The following PTPN3 variants were observed in gnomAD, a reference collection of about 807,000 sequenced individuals.
PTPN3 encodes tyrosine-protein phosphatase non-receptor type 3.
PTPN3 carries 96 observed loss-of-function variants against 132.7 expected under a neutral mutation model. That is an observed-to-expected ratio of 0.72 (90% CI 0.61 to 0.86). The LOEUF is 0.86. PTPN3 is among the 40% of genes least tolerant of loss of function. PTPN3 has a pLI of 0.00. For missense variants in PTPN3, 1,125 were observed against 1,159.6 expected, an observed-to-expected ratio of 0.97 and a Z score of 0.43; for synonymous variants, 398 against 429.0, an observed-to-expected ratio of 0.93 and a Z score of 0.89.
At chr9:109,397,759 A>T (rs1172202044) in intron 19 of PTPN3, 1 of 152,208 alleles carries the variant, frequency 6.6e-6, no homozygotes, top group Admixed American at 6.5e-5. Context: ...GTATTCTTGC[A>T]GGGGCCCTTT....
the PTPN3 span, among the ~76,000 whole-genome samples, chr9:109,537,628 T>C: frequency 6.6e-6 from 1 of 152,232 alleles, no homozygotes; most frequent in Non-Finnish European, 1.5e-5. Context: ...TCTGAAAGAT[T>C]GGGGCTTAGC....
the PTPN3 span, among the ~76,000 whole-genome samples, chr9:109,510,517 C>G: frequency 7.0e-6 from 1 of 142,908 alleles, no homozygotes; most frequent in Non-Finnish European, 1.5e-5. Flanking sequence ...GAGATTGCGC[C>G]ATTGCACTCC....
chr9:109,408,274 G>A, intron 17 of PTPN3, 47 bp downstream of exon 17: 2 of 1,428,030 alleles, frequency 1.4e-6, no homozygotes, highest in Non-Finnish European at 1.9e-6. Context: ...TTAGAATTAG[G>A]GGGAAACAAA....
At chr9:109,423,549 C>T (rs372219794) in intron 12 of PTPN3, among the ~76,000 whole-genome samples, 5 of 152,094 alleles carry the variant, frequency 3.3e-5, no homozygotes, top group East Asian at 3.9e-4. Context: ...GAGGTTGCAG[C>T]GAGCCAAGAT....
At chr9:109,458,287 C>T (rs1259656015) in intron 2 of PTPN3, among the ~76,000 whole-genome samples, 1 of 152,196 alleles carries the variant, frequency 6.6e-6, no homozygotes, top group African/African-American at 2.4e-5. Flanking sequence ...CACCCCTCCC[C>T]TCCAGGCACA....
At chr9:109,388,957 C>T (rs772610273) in intron 22 of PTPN3, among the ~76,000 whole-genome samples, 2 of 152,196 alleles carry the variant, frequency 1.3e-5, no homozygotes, top group Admixed American at 6.5e-5. Flanking sequence ...CCTGAATGGG[C>T]AAGGCCACGT....
At chr9:109,485,751 G>A (rs1847178630) in intron 1 of PTPN3, among the ~76,000 whole-genome samples, 1 of 152,056 alleles carries the variant, frequency 6.6e-6, no homozygotes, top group African/African-American at 2.4e-5. Context: ...GTACGGGAGA[G>A]CCTCTGTCCT....
At chr9:109,386,570 A>T (rs1839599267) in intron 22 of PTPN3, among the ~76,000 whole-genome samples, 1 of 152,064 alleles carries the variant, frequency 6.6e-6, no homozygotes, top group Non-Finnish European at 1.5e-5. Flanking sequence ...GAGAGAGGGG[A>T]TGGAGATCTC....
chr9:109,527,609 A>G, the PTPN3 span, among the ~76,000 whole-genome samples: 7 of 152,250 alleles, frequency 4.6e-5, no homozygotes, highest in Non-Finnish European at 7.3e-5. Context: ...CAGAATAGCT[A>G]GAAGAATTGT....
the PTPN3 span, among the ~76,000 whole-genome samples, chr9:109,529,718 C>T: frequency 3.9e-5 from 6 of 152,254 alleles, no homozygotes; most frequent in East Asian, 5.8e-4. Flanking sequence ...TAGTGTCAAG[C>T]GCATTCACAT....
chr9:109,532,856 C>CG, the PTPN3 span: 23 of 1,043,258 alleles, frequency 2.2e-5, no homozygotes, highest in Non-Finnish European at 2.9e-5. Flanking sequence ...TGCTTAGCCT[C>CG]GGGAGCGGAC....
At chr9:109,463,592 T>C (rs2132049107) in intron 1 of PTPN3, 141 bp from the exon 2 acceptor site, 1 of 684,226 alleles carries the variant, frequency 1.5e-6, no homozygotes, top group East Asian at 3.2e-5. Context: ...AGATCATGTT[T>C]CCAATTGAGT....
intron 1 of PTPN3, among the ~76,000 whole-genome samples, chr9:109,474,635 C>T (rs574805834): frequency 6.6e-6 from 1 of 152,184 alleles, no homozygotes; most frequent in Non-Finnish European, 1.5e-5. Flanking sequence ...GGGGAAAATG[C>T]ACGCATGGTA....
rs149670368 is a variant in PTPN3 at position 109,437,117 on chromosome 9, T to G, written c.588-147A>C. Reference sequence around the variant, plus strand: ...AATCTTCAGCAATCTAATGCTAAATTCTACTAAAGCAAGTTTTTATTCTTA... The same window carrying G: ...AATCTTCAGCAATCTAATGCTAAATGCTACTAAAGCAAGTTTTTATTCTTA... On this transcript the variant is annotated intron_variant, in intron 8 of 25. Transcript: ENST00000374541. 1.8e-4 allele frequency: 241 copies of G among 1,355,952 alleles called. 2 individuals carry two copies. The East Asian group carries it at 6.0e-3, about 34-fold the overall frequency. 84.0% of individuals were successfully genotyped at this position (1,355,952 alleles called of 1,614,324 possible).
chr9:109,433,094 A>C lies in PTPN3; in HGVS notation c.743T>G (p.Ile248Ser). The change falls in exon 10 of 26, where the codon ATT becomes AGT. Residue 248 changes from isoleucine to serine, a missense_variant. Transcript: ENST00000374541. ...TTACCAAGGATAGAAACTTGTGCAA[A>C]TGTATTTTCGGTACACAGCAACACC... ...SAGVAVYRKY[I>S]CTSFYPWVNI... The C allele has an allele frequency of 1.2e-6, 2 of 1,614,152 alleles. No homozygotes were observed. The highest frequency in any genetic ancestry group is 1.7e-6 in the Non-Finnish European group (2 of 1,180,000).
chr9:109,436,778 C>A, intron 9 of PTPN3, 105 bp downstream of exon 9: 1 of 1,446,970 alleles, frequency 6.9e-7, no homozygotes, highest in Non-Finnish European at 9.1e-7. Context: ...TTTAAAAAGT[C>A]CTGTTATAAT....
intron 19 of PTPN3, chr9:109,397,821 C>T (rs1366597136): frequency 2.0e-5 from 3 of 152,170 alleles, no homozygotes; most frequent in Admixed American, 1.3e-4. Flanking sequence ...AGGTGGGTCG[C>T]TGGCACTTGA....
Position 109,436,847 on chromosome 9 carries a change from A to G in PTPN3, c.675+36T>C, listed in dbSNP as rs752556563. On this transcript the variant is annotated intron_variant, in intron 9 of 25. Coordinates refer to ENST00000374541, the MANE Select transcript of PTPN3 (RefSeq NM_002829.4). The stretch of plus-strand genomic sequence containing the variant: ...AACTCTCAGAGATTAAAATAAAAAC[A>G]TAATGTTTGAGCCAAGACATAACAA... 10 of 1,580,398 alleles carry G rather than the reference A, an allele frequency of 6.3e-6. No individual in the cohort carries two copies. The African/African-American group carries it at 1.1e-4, about 17-fold the overall frequency.
chr9:109,410,946 C>A (rs746356896), intron 14 of PTPN3, among the ~76,000 whole-genome samples: 22 of 152,204 alleles, frequency 1.4e-4, no homozygotes, highest in African/African-American at 5.1e-4. Context: ...TGAACTGCCA[C>A]GCTGAGATCT....
Sources: gnomAD v4.1 joint callset for allele counts (sites outside exome capture counted in the v4.1 genomes callset) on GRCh38, gnomAD v4.1.1 for gene constraint, MANE v1.5 for transcripts, NCBI Gene and HGNC (gene_info 2026-07-23, HGNC 2026-07-21) for gene names.